MARF1: variants seen among roughly 807,000 people sequenced by gnomAD.
The protein encoded by MARF1 is meiosis regulator and mRNA stability factor 1, also known as limkain-b1.
A neutral mutation model predicts 168.2 loss-of-function variants in MARF1; 24 were observed. The ratio of observed to expected loss-of-function variants is 0.14; its 90% CI spans 0.10 to 0.20. MARF1 has a LOEUF of 0.20. Ranked by LOEUF, MARF1 falls within the 10% of genes least tolerant of loss-of-function variation. MARF1 has a pLI of 1.00. For synonymous variants in MARF1, 868 were observed against 822.4 expected, an observed-to-expected ratio of 1.06 and a Z score of -0.95; for missense variants, 1,744 against 2,143.6, an observed-to-expected ratio of 0.81 and a Z score of 3.68.
At chr16:15,610,940 G>A (rs755357865) in intron 19 of MARF1, 35 bp downstream of exon 19, 2 of 1,602,328 alleles carry the variant, frequency 1.2e-6, no homozygotes, top group Non-Finnish European at 1.7e-6. Flanking sequence ...ACAGGAGATA[G>A]ACAATATCCT....
intron 21 of MARF1, among the ~76,000 whole-genome samples, chr16:15,606,304 A>G (rs2033007031): frequency 6.6e-6 from 1 of 151,976 alleles, no homozygotes; most frequent in Non-Finnish European, 1.5e-5. Context: ...CGCTCATCCC[A>G]TGCCTTTTCC....
intron 13 of MARF1, among the ~76,000 whole-genome samples, chr16:15,619,742 T>A (rs1266514561): frequency 6.6e-6 from 1 of 152,186 alleles, no homozygotes; most frequent in Non-Finnish European, 1.5e-5. Flanking sequence ...AGTGCCTTGG[T>A]CTTGTACTCA....
intron 5 of MARF1, 57 bp from the exon 6 acceptor site, chr16:15,631,555 C>A: frequency 8.6e-7 from 1 of 1,168,326 alleles, no homozygotes; most frequent in Non-Finnish European, 1.3e-6. Context: ...AAAATTGCTA[C>A]ACATTCTGCC....
intron 18 of MARF1, among the ~76,000 whole-genome samples, 158 bp downstream of exon 18, chr16:15,611,434 G>A (rs1324680244): frequency 2.3e-5 from 3 of 128,164 alleles, no homozygotes; most frequent in Non-Finnish European, 3.1e-5. Context: ...GCGACAGAGC[G>A]AGACTCCGTC....
chr16:15,619,398 G>A (rs1262906996), intron 13 of MARF1, among the ~76,000 whole-genome samples: 1 of 152,180 alleles, frequency 6.6e-6, no homozygotes, highest in Non-Finnish European at 1.5e-5. Context: ...AATTTGGACT[G>A]ATGTAGCTAC....
At chr16:15,617,918 A>G (rs908368765) in intron 13 of MARF1, among the ~76,000 whole-genome samples, 24 of 151,754 alleles carry the variant, frequency 1.6e-4, no homozygotes, top group Admixed American at 1.1e-3. Context: ...GCTTTCCGTG[A>G]CCCTCTCAAC....
intron 14 of MARF1, 36 bp downstream of exon 14, chr16:15,617,262 GA>G (rs764811534): frequency 6.2e-7 from 1 of 1,609,884 alleles, no homozygotes; most frequent in Non-Finnish European, 8.5e-7. Context: ...CAATCTTATA[GA>G]AAAGAATTAC....
chr16:15,625,103 A>G lies in MARF1; in HGVS notation c.2024T>C (p.Val675Ala), dbSNP rs1239667231. The G allele has an allele frequency of 6.2e-7, 1 of 1,614,154 alleles. No individual in the cohort carries two copies. The highest frequency in any genetic ancestry group is 1.7e-5 in the Admixed American group (1 of 60,008). Residue 675 changes from valine (V) to alanine (A), a missense_variant, in exon 9 of 27, where the codon GTC becomes GCC. Val to Ala is a moderately conservative substitution (Grantham distance 64, BLOSUM62 0). Transcript: ENST00000396368. Reference sequence around the variant, plus strand: ...ACTTGAGTTACCGTGAGTGGGTACGACCAGCCTCAGGTGACCTTGCTGGTG... The same window carrying G: ...ACTTGAGTTACCGTGAGTGGGTACGGCCAGCCTCAGGTGACCTTGCTGGTG... ...SEHQQGHLRLVVPTHGNSSAA... is the reference protein window; with the variant it reads ...SEHQQGHLRLAVPTHGNSSAA...
At chr16:15,605,015 C>T (rs1486107018) in intron 21 of MARF1, among the ~76,000 whole-genome samples, 2 of 152,166 alleles carry the variant, frequency 1.3e-5, no homozygotes, top group African/African-American at 4.8e-5. Context: ...AGGGTTTAAG[C>T]GGTTAAATGC....
Position 15,625,118 on chromosome 16 carries a change from C to T in MARF1, c.2009G>A (p.Gly670Asp), listed in dbSNP as rs1248133861. Residue 670 changes from glycine (G) to aspartate (D), a missense_variant, in exon 9 of 27, where the codon GGT (glycine) becomes GAT (aspartate). Around this residue, in one of 7 missense-constraint regions of MARF1, gnomAD observed 270 missense variants for 260.6 expected, o/e 1.04. Transcript: ENST00000396368. ...AGTGGGTACGACCAGCCTCAGGTGA[C>T]CTTGCTGGTGCTCACTGTTTCTATG... ...TGHRNSEHQQ[G>D]HLRLVVPTHG... 4 of 1,614,018 alleles carry T rather than the reference C, an allele frequency of 2.5e-6. No homozygotes were observed. Among genetic ancestry groups the T allele is most frequent in the Middle Eastern group, 1.6e-4 (1 of 6,084 alleles).
chr16:15,617,271 T>TA (rs750098282), intron 14 of MARF1, 28 bp downstream of exon 14: 6 of 1,610,254 alleles, frequency 3.7e-6, no homozygotes, highest in Non-Finnish European at 5.1e-6. Flanking sequence ...AGAAAAGAAT[T>TA]ACTTCTAAAG....
At position 15,611,696 on chromosome 16, in the gene MARF1, G is replaced by C. The variant is rs754221905; in HGVS notation, c.3513C>G (p.Thr1171=). 1 of 1,614,080 alleles carries C rather than the reference G, an allele frequency of 6.2e-7. No individual in the cohort carries two copies. The highest frequency in any genetic ancestry group is 8.5e-7 in the Non-Finnish European group (1 of 1,180,034). ...TAAAGCGCTTCACCTGGGCCCTGTG[G>C]GTAAGGGTCAGCAGACGTTTGGAGC... ...GMGSKRLLTL[T]HRAQVKRFTQ... The change falls in exon 18 of 27, where the codon ACC becomes ACG. Residue 1171 remains threonine (T), a synonymous_variant. Transcript: ENST00000396368.
chr16:15,623,274 CTTTTTTT>C (rs71375044), intron 10 of MARF1, 151 bp from the exon 11 acceptor site: 8 of 118,548 alleles, frequency 6.7e-5, no homozygotes, highest in Middle Eastern at 5.3e-3. Context: ...TGTTTTTAAT[CTTTTTTT>C]TTTTTTTTTT....
chr16:15,598,588 C>A (rs549684929), intron 26 of MARF1, among the ~76,000 whole-genome samples: 1 of 152,052 alleles, frequency 6.6e-6, no homozygotes. Flanking sequence ...CCCCACCCAC[C>A]CCTGTGGACT....
At position 15,615,976 on chromosome 16, in the gene MARF1, C is replaced by A; in HGVS notation, c.3107G>T (p.Gly1036Val). 2 of 1,542,502 alleles carry A rather than the reference C, an allele frequency of 1.3e-6. No homozygotes were observed. The highest frequency in any genetic ancestry group is 8.8e-7 in the Non-Finnish European group (1 of 1,141,312). The change falls in exon 16 of 27, where the codon GGC becomes GTC. Residue 1036 changes from glycine (G) to valine (V), a missense_variant. Physicochemically the swap from Gly to Val is moderately radical, Grantham distance 109 (BLOSUM62 -3). Transcript: ENST00000396368. ...SFPDCYIAEF[G>V]DLEVVQENQG... ...GTTTTCTTGCACTACTTCTAGATCG[C>A]CAAACTCTGCAATGTAACAATCTGG...
intron 12 of MARF1, 166 bp downstream of exon 12, chr16:15,621,565 CAA>C: frequency 8.7e-6 from 6 of 688,890 alleles, no homozygotes; most frequent in Non-Finnish European, 1.4e-5. Context: ...ATGACTTAGA[CAA>C]GAGTCAAATG....
chr16:15,631,433 G>A lies in MARF1; in HGVS notation c.1299C>T (p.Leu433=). ...NAADDKLRQS[L]RRFANTHTAP... is the part of the protein sequence containing the mutation. Reference sequence around the variant, plus strand: ...CAGTGTGTGTATTTGCAAATCTGCGGAGACTCTGCCGCAGTTTATCATCAG... The same window carrying A: ...CAGTGTGTGTATTTGCAAATCTGCGAAGACTCTGCCGCAGTTTATCATCAG... The change falls in exon 6 of 27, where the codon CTC becomes CTT. Residue 433 remains leucine (L), a synonymous_variant. Coordinates refer to ENST00000396368, the MANE Select transcript of MARF1 (RefSeq NM_014647.4). 6.2e-7 allele frequency: 1 copy of A among 1,613,430 alleles called. No individual in the cohort carries two copies.
intron 13 of MARF1, among the ~76,000 whole-genome samples, chr16:15,618,130 C>G (rs754235041): frequency 6.6e-6 from 1 of 152,184 alleles, no homozygotes; most frequent in Non-Finnish European, 1.5e-5. Context: ...CTTTTTCCAT[C>G]TGTAAAATGG....
Position 15,596,086 on chromosome 16 carries a change from CAT to C in MARF1, c.*605_*606del, listed in dbSNP as rs1158110339. The C allele has an allele frequency of 2.6e-5, 4 of 152,656 alleles. No homozygotes were observed. The highest frequency in any genetic ancestry group is 5.9e-5 in the Non-Finnish European group (4 of 68,044). The allele number at this position is 152,656 out of a possible 1,614,324, so 9.5% of individuals were successfully genotyped here. ...TGAAGCCACTTTTGTCAACTACAGA[CAT>C]AGTTTAAATAAAAAACAAGGCACAC... On this transcript the variant is annotated 3_prime_UTR_variant, in exon 27 of 27. Transcript: ENST00000396368.
Sources: allele counts gnomAD v4.1 joint callset (sites outside exome capture counted in the v4.1 genomes callset), GRCh38; gene constraint gnomAD v4.1.1; regional missense constraint gnomAD v4.1.1; transcripts MANE v1.5; gene names NCBI Gene and HGNC (gene_info 2026-07-23, HGNC 2026-07-21).